The following MAP4K5 variants were observed in gnomAD, a reference collection of about 807,000 sequenced individuals.
MAP4K5 encodes mitogen-activated protein kinase kinase kinase kinase 5.
MAP4K5 carries 82 observed loss-of-function variants against 135.6 expected under a neutral mutation model. The observed-to-expected ratio is 0.60, with a 90% confidence interval of 0.51 to 0.73. The LOEUF (loss-of-function observed/expected upper bound fraction) is 0.73. MAP4K5 is among the 30% of genes least tolerant of loss of function. The pLI is 0.00. For missense variants in MAP4K5, 907 were observed against 1,010.9 expected, an observed-to-expected ratio of 0.90 and a Z score of 1.39; for synonymous variants, 347 against 335.0, an observed-to-expected ratio of 1.04 and a Z score of -0.39.
At chr14:50,549,897 G>A (rs760229994) in intron 1 of MAP4K5, among the ~76,000 whole-genome samples, 106 of 152,314 alleles carry the variant, frequency 7.0e-4, no homozygotes, top group African/African-American at 2.3e-3. Context: ...GCATCATTCC[G>A]TATGAATGGG....
intron 2 of MAP4K5, among the ~76,000 whole-genome samples, chr14:50,541,375 G>A (rs934666220): frequency 1.3e-5 from 2 of 152,162 alleles, no homozygotes; most frequent in African/African-American, 4.8e-5. Flanking sequence ...ACCAGAGAAC[G>A]AGAGATAAAC....
chr14:50,463,881 A>C (rs1282557379), intron 12 of MAP4K5, among the ~76,000 whole-genome samples, 171 bp downstream of exon 12: 1 of 98,706 alleles, frequency 1.0e-5, no homozygotes, highest in Admixed American at 1.6e-4. Flanking sequence ...ACAGAGTGAG[A>C]CCCTGTTTCC....
intron 31 of MAP4K5, among the ~76,000 whole-genome samples, chr14:50,424,709 C>CA (rs57648390): frequency 1.3e-3 from 28 of 21,222 alleles, no homozygotes; most frequent in South Asian, 2.9e-3. Flanking sequence ...GACTCCATCT[C>CA]AAAAAAAAAA....
intron 3 of MAP4K5, among the ~76,000 whole-genome samples, chr14:50,493,930 G>T (rs1173760482): frequency 1.2e-4 from 18 of 151,564 alleles, no homozygotes; most frequent in Non-Finnish European, 5.9e-5. Context: ...GGAGGTTGCA[G>T]TGAGCTGAGA....
chr14:50,518,267 T>A (rs1343430353), intron 2 of MAP4K5, among the ~76,000 whole-genome samples: 1 of 152,162 alleles, frequency 6.6e-6, no homozygotes, highest in African/African-American at 2.4e-5. Flanking sequence ...CTCATTAATT[T>A]TTTTTTTATT....
chr14:50,524,003 C>T lies in MAP4K5; in HGVS notation c.108+7939G>A, dbSNP rs1435059942. Among the ~76,000 whole-genome samples the T allele has an allele frequency of 2.6e-5, 4 of 152,132 alleles. No homozygotes were observed. In the East Asian group the frequency reaches 7.7e-4, roughly 29 times the overall value. The stretch of plus-strand genomic sequence containing the variant: ...AGGGAGGGAGGTTTTTACATTTATC[C>T]CCTACTCTAGTCCCTAAAAATCCAT... On this transcript the variant is annotated intron_variant, in intron 2 of 32. Coordinates refer to ENST00000682126, the MANE Select transcript of MAP4K5 (RefSeq NM_006575.6).
intron 2 of MAP4K5, among the ~76,000 whole-genome samples, chr14:50,510,966 G>A (rs1488411427): frequency 6.6e-6 from 1 of 152,108 alleles, no homozygotes; most frequent in East Asian, 1.9e-4. Context: ...GTACCCAACT[G>A]AGCTAAAAAG....
chr14:50,530,681 C>G (rs1444303600), intron 2 of MAP4K5, among the ~76,000 whole-genome samples: 1 of 152,174 alleles, frequency 6.6e-6, no homozygotes, highest in Non-Finnish European at 1.5e-5. Context: ...CAAAGGTATT[C>G]ACAAGGTAAG....
chr14:50,491,187 G>T (rs2037476508), intron 3 of MAP4K5, among the ~76,000 whole-genome samples: 1 of 151,930 alleles, frequency 6.6e-6, no homozygotes, highest in African/African-American at 2.4e-5. Flanking sequence ...CAAGATAAAA[G>T]GCAGTAAGAT....
intron 13 of MAP4K5, among the ~76,000 whole-genome samples, chr14:50,457,448 C>G (rs1046139821): frequency 2.6e-5 from 4 of 152,112 alleles, no homozygotes; most frequent in Non-Finnish European, 4.4e-5. Context: ...CCCCTTAGGC[C>G]TTCAGCTCAA....
At position 50,433,832 on chromosome 14, in the gene MAP4K5, C is replaced by T. The variant is rs1248698551; in HGVS notation, c.2164+562G>A. On this transcript the variant is annotated intron_variant, in intron 28 of 32. Coordinates refer to ENST00000682126, the MANE Select transcript of MAP4K5 (RefSeq NM_006575.6). Reference sequence around the variant, plus strand: ...CAAAATGGAGGCCCCACCTCACCCACTTCACATATTATGCAGATTTAAAAA... The same window carrying T: ...CAAAATGGAGGCCCCACCTCACCCATTTCACATATTATGCAGATTTAAAAA... 3.3e-5 allele frequency among the ~76,000 whole-genome samples: 5 copies of T among 152,304 alleles called. No individual in the cohort carries two copies. The East Asian group carries it at 7.7e-4, about 23-fold the overall frequency.
chr14:50,500,133 C>T (rs764245452), intron 3 of MAP4K5, among the ~76,000 whole-genome samples: 1 of 152,052 alleles, frequency 6.6e-6, no homozygotes, highest in Admixed American at 6.6e-5. Context: ...TTGCAGTGTC[C>T]GTTACATGCT....
intron 1 of MAP4K5, chr14:50,560,261 C>T: frequency 6.2e-7 from 1 of 1,613,946 alleles, no homozygotes; most frequent in Non-Finnish European, 8.5e-7. Context: ...AGCTCCTGGA[C>T]CACCATGGCC....
chr14:50,554,806 C>A (rs2038745190), intron 1 of MAP4K5, among the ~76,000 whole-genome samples: 1 of 152,170 alleles, frequency 6.6e-6, no homozygotes, highest in Admixed American at 6.5e-5. Flanking sequence ...CTCATCCACT[C>A]GCTGGGCTGG....
At position 50,468,635 on chromosome 14, in the gene MAP4K5, T is replaced by C. The variant is rs755045905; in HGVS notation, c.674+16A>G. 6.2e-6 allele frequency: 10 copies of C among 1,611,624 alleles called. No homozygotes were observed. Among genetic ancestry groups the C allele is most frequent in the Non-Finnish European group, 8.5e-6 (10 of 1,178,450 alleles). On this transcript the variant is annotated intron_variant, in intron 10 of 32. Transcript: ENST00000682126. ...GACTTGATCAATAACTGGATAATTA[T>C]AAATAATGAGAACACCTCATTGGGT...
In MAP4K5 at chr14:50,429,260, C is replaced by A; in HGVS notation, c.2165G>T (p.Gly722Val). ...ATGAATGGAATCTAACTGCTGGCTG[C>A]CTTAGGAAGTAAAAAACAAGGTTAC... ...ASSWFTEIGAGSQQLDSIHVT... is the reference protein window; with the variant it reads ...ASSWFTEIGAVSQQLDSIHVT... Residue 722 changes from glycine (G) to valine (V), a missense_variant and splice_region_variant, in exon 29 of 33, where the codon GGC (glycine) becomes GTC (valine). Physicochemically the swap from Gly to Val is moderately radical, Grantham distance 109 (BLOSUM62 -3). Transcript: ENST00000682126. 6.4e-7 allele frequency: 1 copy of A among 1,551,914 alleles called. No homozygotes were observed. Among genetic ancestry groups the A allele is most frequent in the Non-Finnish European group, 8.7e-7 (1 of 1,144,682 alleles).
intron 14 of MAP4K5, among the ~76,000 whole-genome samples, chr14:50,451,956 A>G (rs1268568653): frequency 2.0e-5 from 3 of 151,578 alleles, no homozygotes; most frequent in African/African-American, 7.3e-5. Flanking sequence ...CTCGTGGTAC[A>G]AAAGTGATAT....
intron 32 of MAP4K5, among the ~76,000 whole-genome samples, chr14:50,421,409 C>T (rs7145952): frequency 0.86 from 130,809 of 151,650 alleles, 58,152 homozygotes; most frequent in Non-Finnish European, 0.96. Flanking sequence ...AAGGCATGCA[C>T]CATCAAGCCC....
chr14:50,541,146 G>A (rs541526823), intron 2 of MAP4K5, among the ~76,000 whole-genome samples: 3 of 152,306 alleles, frequency 2.0e-5, no homozygotes, highest in East Asian at 1.9e-4. Context: ...ATCAGAAGCA[G>A]TTTGCTTTCA....
Sources: gnomAD v4.1 joint callset for allele counts (sites outside exome capture counted in the v4.1 genomes callset) on GRCh38, gnomAD v4.1.1 for gene constraint, MANE v1.5 for transcripts, NCBI Gene and HGNC (gene_info 2026-07-23, HGNC 2026-07-21) for gene names.